Variants in NALCN observed in about 807,000 individuals in gnomAD.
NALCN encodes sodium leak channel NALCN.
Under a neutral mutation model 225.3 loss-of-function variants are expected in NALCN, and 111 were observed. The ratio of observed to expected loss-of-function variants is 0.49; its 90% confidence interval spans 0.42 to 0.58. The LOEUF is 0.58. Ranked by LOEUF, NALCN falls within the 20% of genes least tolerant of loss-of-function variation. NALCN has a pLI of 0.00. For synonymous variants in NALCN, 764 were observed against 769.0 expected, an observed-to-expected ratio of 0.99 and a Z score of 0.11; for missense variants, 1,378 against 2,202.4, an observed-to-expected ratio of 0.63 and a Z score of 7.49.
At chr13:101,282,181 G>GT (rs2043189508) in intron 10 of NALCN, among the ~76,000 whole-genome samples, 1 of 152,148 alleles carries the variant, frequency 6.6e-6, no homozygotes, top group Non-Finnish European at 1.5e-5. Context: ...AATGAAATCA[G>GT]TATCTCAAAG....
intron 7 of NALCN, among the ~76,000 whole-genome samples, chr13:101,326,248 G>T (rs491374): frequency 0.34 from 51,314 of 151,984 alleles, 9,066 homozygotes; most frequent in Non-Finnish European, 0.41. Flanking sequence ...TCCATCTCAG[G>T]TTCTGTGTTT....
At chr13:101,083,404 G>C (rs1309619081) in intron 31 of NALCN, among the ~76,000 whole-genome samples, 8 of 152,158 alleles carry the variant, frequency 5.3e-5, no homozygotes, top group Admixed American at 5.2e-4. Flanking sequence ...GGAAGGAGAA[G>C]TGCATCATTC....
chr13:101,055,916 G>A (rs2031180382), intron 43 of NALCN, among the ~76,000 whole-genome samples: 1 of 152,070 alleles, frequency 6.6e-6, no homozygotes, highest in Admixed American at 6.6e-5. Flanking sequence ...GTGTGGTTCT[G>A]GGGCCTCACA....
chr13:101,134,767 C>T (rs976100361), intron 17 of NALCN, among the ~76,000 whole-genome samples: 1 of 152,012 alleles, frequency 6.6e-6, no homozygotes, highest in Non-Finnish European at 1.5e-5. Flanking sequence ...AACACAGTAG[C>T]CTGGGGTCAC....
chr13:101,285,425 G>A (rs1387630352), intron 9 of NALCN, among the ~76,000 whole-genome samples: 3 of 151,544 alleles, frequency 2.0e-5, no homozygotes, highest in Non-Finnish European at 4.4e-5. Context: ...TCAGCCTCCC[G>A]AGTAGCTGGG....
intron 1 of NALCN, among the ~76,000 whole-genome samples, chr13:101,406,722 T>G (rs1257057050): frequency 6.6e-6 from 1 of 152,222 alleles, no homozygotes; most frequent in Non-Finnish European, 1.5e-5. Flanking sequence ...CCTTTCAAGT[T>G]TCTGAAGGTA....
chr13:101,079,167 A>G (rs1472484951), intron 34 of NALCN, among the ~76,000 whole-genome samples: 1 of 152,208 alleles, frequency 6.6e-6, no homozygotes. Flanking sequence ...GTATTTCTTC[A>G]TAACAGTGTG....
chr13:101,192,461 C>A (rs1392392455), intron 13 of NALCN, among the ~76,000 whole-genome samples: 1 of 149,770 alleles, frequency 6.7e-6, no homozygotes, highest in Non-Finnish European at 1.5e-5. Flanking sequence ...TTGTCTAAGG[C>A]ATATAAAGGC....
chr13:101,313,833 A>T (rs1346522158), intron 7 of NALCN, among the ~76,000 whole-genome samples: 2 of 152,162 alleles, frequency 1.3e-5, no homozygotes, highest in African/African-American at 4.8e-5. Flanking sequence ...AGGATTATAA[A>T]TCATGCTGCT....
chr13:101,372,289 C>G (rs1050587847), intron 6 of NALCN, among the ~76,000 whole-genome samples: 3 of 152,046 alleles, frequency 2.0e-5, no homozygotes. Context: ...CTAGAACAAC[C>G]CTGATTTTAA....
At chr13:101,223,295 T>G (rs2041016627) in intron 13 of NALCN, among the ~76,000 whole-genome samples, 1 of 152,180 alleles carries the variant, frequency 6.6e-6, no homozygotes, top group Non-Finnish European at 1.5e-5. Context: ...TAGACACTCT[T>G]CTTTCCCAAT....
At chr13:101,366,478 A>C (rs2046379437) in intron 6 of NALCN, among the ~76,000 whole-genome samples, 1 of 152,200 alleles carries the variant, frequency 6.6e-6, no homozygotes, top group African/African-American at 2.4e-5. Context: ...ATTAGGCAGA[A>C]CTTGGAACAA....
At chr13:101,322,940 G>C (rs529350037) in intron 7 of NALCN, among the ~76,000 whole-genome samples, 1 of 152,100 alleles carries the variant, frequency 6.6e-6, no homozygotes, top group African/African-American at 2.4e-5. Flanking sequence ...TCAAACTTGT[G>C]ACCTCAGGTG....
intron 6 of NALCN, among the ~76,000 whole-genome samples, chr13:101,366,785 G>T (rs557414499): frequency 6.6e-6 from 1 of 152,162 alleles, no homozygotes; most frequent in Admixed American, 6.5e-5. Flanking sequence ...TGATACATTT[G>T]AAATTTACTT....
At chr13:101,389,506 T>C (rs2047083067) in intron 3 of NALCN, among the ~76,000 whole-genome samples, 1 of 152,088 alleles carries the variant, frequency 6.6e-6, no homozygotes, top group Non-Finnish European at 1.5e-5. Flanking sequence ...GGCAATTCAG[T>C]AGGGCAGGGA....
intron 13 of NALCN, among the ~76,000 whole-genome samples, chr13:101,201,520 G>C (rs2040120834): frequency 6.6e-6 from 1 of 152,058 alleles, no homozygotes; most frequent in Non-Finnish European, 1.5e-5. Context: ...TTTATTAATG[G>C]ATATACCACA....
At chr13:101,413,468 T>TA (rs2139566224) in intron 1 of NALCN, among the ~76,000 whole-genome samples, 1 of 152,182 alleles carries the variant, frequency 6.6e-6, no homozygotes, top group South Asian at 2.1e-4. Context: ...TATGAGGCTG[T>TA]ATTTACTGGG....
At chr13:101,358,135 G>A (rs2046117468) in intron 6 of NALCN, among the ~76,000 whole-genome samples, 1 of 152,162 alleles carries the variant, frequency 6.6e-6, no homozygotes, top group African/African-American at 2.4e-5. Flanking sequence ...GTGATTTCAT[G>A]ATGAAAATGC....
chr13:101,312,878 A>G (rs2044401487), intron 7 of NALCN, among the ~76,000 whole-genome samples: 2 of 152,194 alleles, frequency 1.3e-5, no homozygotes, highest in Non-Finnish European at 2.9e-5. Flanking sequence ...CACCAAGTCA[A>G]TCCTAAGCCA....
Sources: allele counts gnomAD v4.1 joint callset (sites outside exome capture counted in the v4.1 genomes callset), GRCh38; gene constraint gnomAD v4.1.1; transcripts MANE v1.5; gene names NCBI Gene and HGNC (gene_info 2026-07-23, HGNC 2026-07-21).